TSHZ2: variants seen among roughly 807,000 people sequenced by gnomAD.
TSHZ2 encodes the protein teashirt homolog 2.
A neutral mutation model predicts 74.4 loss-of-function variants in TSHZ2; 21 were observed. The ratio of observed to expected loss-of-function variants is 0.28; its 90% CI spans 0.20 to 0.41. The LOEUF (loss-of-function observed/expected upper bound fraction) is 0.41. Ranked by LOEUF, TSHZ2 falls within the 10% of genes least tolerant of loss-of-function variation. The pLI is 1.00. For missense variants in TSHZ2, 1,244 were observed against 1,293.5 expected, an observed-to-expected ratio of 0.96 and a Z score of 0.59; for synonymous variants, 540 against 515.3, an observed-to-expected ratio of 1.05 and a Z score of -0.65.
chr20:53,087,180 T>C (rs1337192072), intron 1 of TSHZ2, among the ~76,000 whole-genome samples: 1 of 152,166 alleles, frequency 6.6e-6, no homozygotes, highest in Non-Finnish European at 1.5e-5. Flanking sequence ...AGAGAAGAAT[T>C]GAGGTCAACC....
At chr20:53,366,059 G>C (rs1170393748) in intron 2 of TSHZ2, among the ~76,000 whole-genome samples, 1 of 152,170 alleles carries the variant, frequency 6.6e-6, no homozygotes, top group African/African-American at 2.4e-5. Context: ...AAACCTTCCA[G>C]TGTCAGAAGA....
intron 1 of TSHZ2, among the ~76,000 whole-genome samples, chr20:53,239,741 TCAAA>T (rs1287289019): frequency 1.3e-5 from 2 of 152,118 alleles, no homozygotes; most frequent in Non-Finnish European, 2.9e-5. Flanking sequence ...TCATATTTTA[TCAAA>T]CAAAAAATTA....
At chr20:53,283,414 C>G (rs1991102706) in intron 2 of TSHZ2, among the ~76,000 whole-genome samples, 1 of 152,204 alleles carries the variant, frequency 6.6e-6, no homozygotes, top group Admixed American at 6.5e-5. Flanking sequence ...AGATAGGTCC[C>G]TGTCATCACC....
intron 2 of TSHZ2, among the ~76,000 whole-genome samples, chr20:53,265,781 C>G (rs1990703589): frequency 6.6e-6 from 1 of 152,170 alleles, no homozygotes; most frequent in Admixed American, 6.5e-5. Flanking sequence ...TAATTTTGTT[C>G]TTTCTTATTC....
intron 2 of TSHZ2, chr20:53,400,577 A>G (rs1378594634): frequency 3.3e-5 from 5 of 152,240 alleles, no homozygotes; most frequent in Non-Finnish European, 7.3e-5. Context: ...GCCAGTAAGC[A>G]GTAGGAATTG....
chr20:53,294,277 G>A (rs925703700), intron 2 of TSHZ2, among the ~76,000 whole-genome samples: 1 of 152,220 alleles, frequency 6.6e-6, no homozygotes, highest in Middle Eastern at 3.2e-3. Context: ...GCCGAACCTA[G>A]CACTGTGGTA....
At chr20:53,053,022 T>C (rs537593066) in intron 1 of TSHZ2, among the ~76,000 whole-genome samples, 18 of 152,292 alleles carry the variant, frequency 1.2e-4, no homozygotes, top group Middle Eastern at 3.4e-3. Context: ...TCATATCCTT[T>C]AGCATTCACA....
At chr20:53,474,029 G>C (rs1026476919) in intron 2 of TSHZ2, among the ~76,000 whole-genome samples, 11 of 151,550 alleles carry the variant, frequency 7.3e-5, no homozygotes, top group Admixed American at 3.9e-4. Context: ...ATCTACGTCT[G>C]ATTGGGGTAC....
Position 53,492,130 on chromosome 20 carries a change from T to C in TSHZ2, c.*4995T>C, listed in dbSNP as rs1404377322. 1 of 151,954 alleles carries C rather than the reference T, an allele frequency of 6.6e-6. No individual in the cohort carries two copies. Among genetic ancestry groups the C allele is most frequent in the African/African-American group, 2.4e-5 (1 of 41,362 alleles). The allele number at this position is 151,954 out of a possible 1,614,324, so 9.4% of individuals were successfully genotyped here. On this transcript the variant is annotated 3_prime_UTR_variant, in exon 3 of 3. Transcript: ENST00000371497. Reference sequence around the variant, plus strand: ...TCTCAGAAAATAAATTTCAATGTGTTCAATGAATTGTCTTGAACCTGAAAC... The same window carrying C: ...TCTCAGAAAATAAATTTCAATGTGTCCAATGAATTGTCTTGAACCTGAAAC...
intron 2 of TSHZ2, among the ~76,000 whole-genome samples, chr20:53,271,346 A>T (rs1479275624): frequency 6.6e-6 from 1 of 152,212 alleles, no homozygotes. Flanking sequence ...CTGAGCTCAC[A>T]TACTGTTATA....
At chr20:53,113,722 C>A (rs761613360) in intron 1 of TSHZ2, among the ~76,000 whole-genome samples, 1 of 152,146 alleles carries the variant, frequency 6.6e-6, no homozygotes, top group Non-Finnish European at 1.5e-5. Context: ...ACTTGGCAGT[C>A]CTTAAGCGTA....
chr20:53,287,600 G>A (rs1991193638), intron 2 of TSHZ2, among the ~76,000 whole-genome samples: 1 of 152,204 alleles, frequency 6.6e-6, no homozygotes, highest in Non-Finnish European at 1.5e-5. Context: ...AGTGTTGCTT[G>A]ACTGTCTAAG....
intron 1 of TSHZ2, among the ~76,000 whole-genome samples, chr20:53,204,400 C>CATTATGATATGATACTATATCATA (rs1989110120): frequency 7.6e-6 from 1 of 131,530 alleles, no homozygotes; most frequent in African/African-American, 3.2e-5. Context: ...ACTATATCAT[C>CATTATGATATGATACTATATCATA]ATATAACATG....
At chr20:53,004,139 T>TC (rs141028768) in intron 1 of TSHZ2, among the ~76,000 whole-genome samples, 2,002 of 151,888 alleles carry the variant, frequency 0.013, 50 homozygotes, top group African/African-American at 0.046. Flanking sequence ...ACGCACCCAC[T>TC]CCCCCCCTCC....
chr20:53,415,071 G>A (rs1983189718), intron 2 of TSHZ2, among the ~76,000 whole-genome samples: 1 of 152,188 alleles, frequency 6.6e-6, no homozygotes, highest in Non-Finnish European at 1.5e-5. Flanking sequence ...AAAGGTGGCA[G>A]CGAATCAAGA....
intron 1 of TSHZ2, among the ~76,000 whole-genome samples, chr20:53,133,969 G>GGAAAAAAA (rs561152326): frequency 2.5e-3 from 317 of 127,908 alleles, no homozygotes; most frequent in African/African-American, 9.2e-3. Flanking sequence ...CATTTTTTCT[G>GGAAAAAAA]AAAAAAAAAA....
chr20:53,487,359 C>T lies in TSHZ2; in HGVS notation c.*224C>T, dbSNP rs1054114484. 1 of 151,580 alleles carries T rather than the reference C, an allele frequency of 6.6e-6. No individual in the cohort carries two copies. The highest frequency in any genetic ancestry group is 1.5e-5 in the Non-Finnish European group (1 of 67,982). 9.4% of individuals were successfully genotyped at this position (151,580 alleles called of 1,614,324 possible). A position where few individuals can be genotyped will look rare whatever the true frequency, so the allele number is the denominator to read the frequency against. On this transcript the variant is annotated 3_prime_UTR_variant, in exon 3 of 3. Coordinates refer to ENST00000371497, the MANE Select transcript of TSHZ2 (RefSeq NM_173485.6). ...TAATGAAGTATTGATTTCCACTTCT[C>T]TGCTTATGGGCGGTATTAGATTTTC...
At chr20:53,473,637 A>G (rs1237821832) in intron 2 of TSHZ2, among the ~76,000 whole-genome samples, 2 of 150,962 alleles carry the variant, frequency 1.3e-5, no homozygotes, top group African/African-American at 4.9e-5. Flanking sequence ...CTCACCAGCA[A>G]CGGAACAAAG....
intron 1 of TSHZ2, among the ~76,000 whole-genome samples, chr20:53,126,314 G>A (rs2085198721): frequency 6.6e-6 from 1 of 152,176 alleles, no homozygotes; most frequent in Non-Finnish European, 1.5e-5. Context: ...CAGAAATTAG[G>A]GACTGCCTTG....
Sources: gnomAD v4.1 joint callset for allele counts (sites outside exome capture counted in the v4.1 genomes callset) on GRCh38, gnomAD v4.1.1 for gene constraint, MANE v1.5 for transcripts, NCBI Gene and HGNC (gene_info 2026-07-23, HGNC 2026-07-21) for gene names.